Variants in VTI1A observed in about 807,000 individuals in gnomAD.
VTI1A encodes vesicle transport through interaction with t-SNAREs homolog 1A.
VTI1A carries 22 observed loss-of-function variants against 34.9 expected under a neutral mutation model. The ratio of observed to expected loss-of-function variants is 0.63; its 90% CI spans 0.45 to 0.90. The LOEUF is 0.90. Among genes scored for constraint, VTI1A ranks in the 40% least tolerant of loss-of-function variants. The probability of loss-of-function intolerance (pLI) is 0.00; values close to 1 mark genes in which losing one functional copy is unlikely to be tolerated. For synonymous variants in VTI1A, 87 were observed against 97.3 expected (o/e 0.89, Z 0.62); for missense variants, 268 against 275.6 (o/e 0.97, Z 0.20).
chr10:112,646,190 C>T (rs1035472491), intron 5 of VTI1A, among the ~76,000 whole-genome samples: 2 of 151,942 alleles, frequency 1.3e-5, no homozygotes, highest in African/African-American at 2.4e-5. Flanking sequence ...AAATATTTAT[C>T]ATATACCATT....
At chr10:112,848,424 AGATGACCT>A in the VTI1A span, among the ~76,000 whole-genome samples, 3 of 152,154 alleles carry the variant, frequency 2.0e-5, no homozygotes, top group Non-Finnish European at 4.4e-5. Flanking sequence ...TGTCAGTTAC[AGATGACCT>A]GATGACACAG....
At chr10:112,464,239 C>G (rs1458257138) in intron 2 of VTI1A, among the ~76,000 whole-genome samples, 2 of 152,220 alleles carry the variant, frequency 1.3e-5, no homozygotes, top group African/African-American at 4.8e-5. Context: ...CTCAAGTGAT[C>G]CACCCACCTT....
At chr10:112,709,395 AG>A (rs1434861663) in intron 7 of VTI1A, among the ~76,000 whole-genome samples, 1 of 152,072 alleles carries the variant, frequency 6.6e-6, no homozygotes, top group African/African-American at 2.4e-5. Flanking sequence ...GGGCTGGCCT[AG>A]GCCTCTGCTG....
chr10:112,618,975 T>A (rs539077001), intron 5 of VTI1A, among the ~76,000 whole-genome samples: 9 of 152,132 alleles, frequency 5.9e-5, no homozygotes, highest in African/African-American at 2.2e-4. Context: ...ATTAATTAGC[T>A]GTCAGATAAC....
Position 112,777,673 on chromosome 10 carries a change from A to G in VTI1A, c.561-37617A>G, listed in dbSNP as rs114512510. Among the ~76,000 whole-genome samples the G allele has an allele frequency of 2.2e-3, 341 of 152,340 alleles. 2 individuals carry two copies. Among genetic ancestry groups the G allele is most frequent in the African/African-American group, 7.7e-3 (321 of 41,580 alleles). ...TCAGTCAGAGGCAAAACTCATTGGCAGGGAAAGAGATGAGAGGCCTCCGTT... is the reference window on the plus strand; with the variant it reads ...TCAGTCAGAGGCAAAACTCATTGGCGGGGAAAGAGATGAGAGGCCTCCGTT... On this transcript the variant is annotated intron_variant, in intron 7 of 7. Coordinates refer to ENST00000393077, the MANE Select transcript of VTI1A (RefSeq NM_145206.4).
At chr10:112,723,859 G>A (rs1324951705) in intron 7 of VTI1A, among the ~76,000 whole-genome samples, 1 of 152,222 alleles carries the variant, frequency 6.6e-6, no homozygotes, top group African/African-American at 2.4e-5. Flanking sequence ...TTCAGGGCAA[G>A]AGCGGACATT....
chr10:112,567,568 ATTAAGCCTT>A (rs1406386331), intron 5 of VTI1A, among the ~76,000 whole-genome samples: 4 of 152,222 alleles, frequency 2.6e-5, no homozygotes, highest in Non-Finnish European at 5.9e-5. Flanking sequence ...ATTTTATGTA[ATTAAGCCTT>A]TTTCTCATAG....
intron 3 of VTI1A, among the ~76,000 whole-genome samples, chr10:112,512,177 A>G (rs1849636656): frequency 6.6e-6 from 1 of 152,096 alleles, no homozygotes; most frequent in Non-Finnish European, 1.5e-5. Context: ...TTACATTCCC[A>G]CCAACACTGT....
intron 4 of VTI1A, among the ~76,000 whole-genome samples, chr10:112,537,589 C>T (rs1186361871): frequency 6.6e-6 from 1 of 151,872 alleles, no homozygotes; most frequent in Non-Finnish European, 1.5e-5. Context: ...GTTAAAATAT[C>T]AACATCAATC....
intron 7 of VTI1A, among the ~76,000 whole-genome samples, chr10:112,733,203 G>T (rs187511709): frequency 3.9e-4 from 60 of 152,130 alleles, no homozygotes; most frequent in East Asian, 9.7e-4. Flanking sequence ...TTTTTGGTTT[G>T]ATTTTTTATT....
intron 1 of VTI1A, among the ~76,000 whole-genome samples, chr10:112,459,063 A>G (rs1847642258): frequency 6.6e-6 from 1 of 152,156 alleles, no homozygotes. Context: ...TTCAAGCTTC[A>G]TGACTTTTCT....
At chr10:112,727,287 T>G (rs1850065750) in intron 7 of VTI1A, among the ~76,000 whole-genome samples, 1 of 152,168 alleles carries the variant, frequency 6.6e-6, no homozygotes, top group Admixed American at 6.5e-5. Context: ...CCTGTCTTTC[T>G]CCACTCTATA....
intron 5 of VTI1A, among the ~76,000 whole-genome samples, chr10:112,654,654 G>A (rs950119685): frequency 9.9e-5 from 15 of 151,888 alleles, no homozygotes; most frequent in Non-Finnish European, 1.8e-4. Context: ...CACCACACCC[G>A]GCTAATTTTT....
the VTI1A span, chr10:112,825,929 A>C: frequency 1.3e-5 from 2 of 152,246 alleles, no homozygotes; most frequent in African/African-American, 4.8e-5. Flanking sequence ...GGAATGGTAA[A>C]AGTCATGCTA....
At chr10:112,629,143 T>A (rs1846035429) in intron 5 of VTI1A, among the ~76,000 whole-genome samples, 1 of 152,256 alleles carries the variant, frequency 6.6e-6, no homozygotes, top group Non-Finnish European at 1.5e-5. Context: ...GTGATGTTAC[T>A]GGGACACTCA....
chr10:112,791,723 C>T (rs1222672664), intron 7 of VTI1A, among the ~76,000 whole-genome samples: 3 of 151,896 alleles, frequency 2.0e-5, no homozygotes, highest in Non-Finnish European at 2.9e-5. Context: ...TTTTTCTTCC[C>T]CCCACAGCAC....
chr10:112,580,004 G>A (rs1012392919), intron 5 of VTI1A, among the ~76,000 whole-genome samples: 1 of 152,024 alleles, frequency 6.6e-6, no homozygotes, highest in African/African-American at 2.4e-5. Context: ...AAAGTGACTG[G>A]GGAAGAAAAA....
Position 112,534,055 on chromosome 10 carries a change from C to A in VTI1A, c.343-4191C>A, listed in dbSNP as rs556138966. Among the ~76,000 whole-genome samples, 94 of 152,180 alleles carry A rather than the reference C, an allele frequency of 6.2e-4. 1 individual carries two copies. In the South Asian group the frequency reaches 0.018, roughly 30 times the overall value. On this transcript the variant is annotated intron_variant, in intron 4 of 7. Coordinates refer to ENST00000393077, the MANE Select transcript of VTI1A (RefSeq NM_145206.4). ...GGGAAACACACATATGTTATAAATG[C>A]CCTGCTACTCTGTGTACATAGATAC...
chr10:112,811,047 T>C (rs1266264870), intron 7 of VTI1A, among the ~76,000 whole-genome samples: 2 of 152,234 alleles, frequency 1.3e-5, no homozygotes, highest in Non-Finnish European at 2.9e-5. Flanking sequence ...CCTCGTCTTG[T>C]CTGAGAGGCG....
Sources: allele counts gnomAD v4.1 joint callset (sites outside exome capture counted in the v4.1 genomes callset), GRCh38; gene constraint gnomAD v4.1.1; transcripts MANE v1.5; gene names NCBI Gene and HGNC (gene_info 2026-07-23, HGNC 2026-07-21).